The following CELF2 variants were observed in gnomAD, a reference collection of about 807,000 sequenced individuals.
CELF2 encodes the protein CUGBP Elav-like family member 2.
In CELF2, 8 loss-of-function variants were observed where a neutral mutation model predicts 62.6. The observed-to-expected ratio is 0.13, with a 90% CI of 0.07 to 0.23. CELF2 has a LOEUF of 0.23. Among genes scored for constraint, CELF2 ranks in the 10% least tolerant of loss-of-function variants. CELF2 has a pLI of 1.00. For missense variants in CELF2, 333 were observed against 671.0 expected (o/e 0.50, Z 5.56); for synonymous variants, 258 against 250.0 (o/e 1.03, Z -0.30).
chr10:10,574,997 C>T, the CELF2 span, among the ~76,000 whole-genome samples: 11 of 151,534 alleles, frequency 7.3e-5, no homozygotes, highest in African/African-American at 2.2e-4. Context: ...GCATTACAGG[C>T]GTGAGCCACC....
chr10:10,959,868 G>A lies in CELF2; in HGVS notation c.89+39869G>A, dbSNP rs543506631. On this transcript the variant is annotated intron_variant, in intron 2 of 13. Transcript: ENST00000636488. ...AGAAAGCATGGGGTAGGTGTGAACC[G>A]TTACAACATTGAATTATCGTTTTCC... 1.3e-4 allele frequency among the ~76,000 whole-genome samples: 20 copies of A among 152,318 alleles called. 1 individual carries two copies. The South Asian group carries it at 3.1e-3, about 24-fold the overall frequency.
the CELF2 span, among the ~76,000 whole-genome samples, chr10:10,493,526 T>A: frequency 1.1e-5 from 1 of 90,074 alleles, no homozygotes; most frequent in Non-Finnish European, 2.8e-5. Context: ...GGGCGTTTTT[T>A]TTTTGTTTGT....
intron 9 of CELF2, among the ~76,000 whole-genome samples, chr10:11,289,214 A>T (rs1300312931): frequency 3.9e-5 from 6 of 152,044 alleles, no homozygotes; most frequent in Non-Finnish European, 7.4e-5. Flanking sequence ...CGAACGTTTC[A>T]CTGGCTTTCC....
At chr10:11,088,963 C>T (rs1253908629) in intron 1 of CELF2, among the ~76,000 whole-genome samples, 10 of 152,186 alleles carry the variant, frequency 6.6e-5, no homozygotes, top group Admixed American at 4.6e-4. Flanking sequence ...CTCTCCCGTG[C>T]GTTGGGCTGC....
intron 1 of CELF2, among the ~76,000 whole-genome samples, chr10:10,864,304 C>T (rs1368738017): frequency 6.6e-6 from 1 of 152,026 alleles, no homozygotes; most frequent in Non-Finnish European, 1.5e-5. Flanking sequence ...TTCTCCAGTG[C>T]ATTCCATTAG....
At chr10:11,281,176 A>G (rs111797723) in intron 8 of CELF2, among the ~76,000 whole-genome samples, 61 of 152,218 alleles carry the variant, frequency 4.0e-4, no homozygotes, top group African/African-American at 1.4e-3. Flanking sequence ...CAGATTGTCA[A>G]AAGAGGTCAG....
the CELF2 span, among the ~76,000 whole-genome samples, chr10:10,568,183 C>A: frequency 6.6e-6 from 1 of 151,872 alleles, no homozygotes; most frequent in Non-Finnish European, 1.5e-5. Context: ...AGAATGAGAG[C>A]AAACAATCCA....
At chr10:10,758,309 A>C in the CELF2 span, among the ~76,000 whole-genome samples, 3 of 152,168 alleles carry the variant, frequency 2.0e-5, no homozygotes, top group South Asian at 6.2e-4. Context: ...TTAAACTTCA[A>C]TGCACCTTGG....
chr10:10,983,184 T>C lies in CELF2; in HGVS notation c.89+63185T>C, dbSNP rs1371460591. 6.6e-6 allele frequency among the ~76,000 whole-genome samples: 1 copy of C among 152,210 alleles called. No individual in the cohort carries two copies. The highest frequency in any genetic ancestry group is 1.5e-5 in the Non-Finnish European group (1 of 68,024). ...AGGCAAGTTCAGACACATAGGTTTA[T>C]ACAAGATGAAAATATTAGATAAAAA... is the stretch of plus-strand genomic sequence containing the variant. On this transcript the variant is annotated intron_variant, in intron 2 of 13. Coordinates refer to the CELF2 transcript ENST00000636488. The surrounding 1 kb of genome is among the most constrained non-coding windows in gnomAD (Gnocchi z 5.2).
rs1026236147 is a variant in CELF2 at position 11,156,976 on chromosome 10, G to T, written c.75-8510G>T. Among the ~76,000 whole-genome samples the T allele has an allele frequency of 6.6e-6, 1 of 152,164 alleles. No homozygotes were observed. The highest frequency in any genetic ancestry group is 6.5e-5 in the Admixed American group (1 of 15,282). On this transcript the variant is annotated intron_variant, in intron 1 of 12. Transcript: ENST00000633077. The surrounding 1 kb of genome is among the most constrained non-coding windows in gnomAD (Gnocchi z 4.3). The stretch of plus-strand genomic sequence containing the variant: ...TGCCAGAGTGTGCTGTGGGATTAGA[G>T]TTTAATGGTCAAAATGAGGGCAGTT...
At chr10:10,485,243 G>A in the CELF2 span, among the ~76,000 whole-genome samples, 1 of 152,204 alleles carries the variant, frequency 6.6e-6, no homozygotes, top group South Asian at 2.1e-4. Flanking sequence ...AGGCAGTGAT[G>A]AGTAATGCCA....
chr10:10,815,904 G>T (rs371603648), intron 1 of CELF2, among the ~76,000 whole-genome samples: 122 of 132,542 alleles, frequency 9.2e-4, no homozygotes, highest in East Asian at 2.8e-3. Context: ...GGTTTGGGTT[G>T]TTTTTTTTTT....
chr10:10,654,011 C>T, the CELF2 span, among the ~76,000 whole-genome samples: 1 of 151,296 alleles, frequency 6.6e-6, no homozygotes, highest in Non-Finnish European at 1.5e-5. Context: ...ATCAAATACA[C>T]ACAATAAAAA....
the CELF2 span, among the ~76,000 whole-genome samples, chr10:10,775,342 A>T: frequency 6.6e-6 from 1 of 152,062 alleles, no homozygotes; most frequent in South Asian, 2.1e-4. Flanking sequence ...AGAAAGCAGG[A>T]GATGGAGGCC....
chr10:11,151,838 TTTC>T (rs1434041254), intron 1 of CELF2, among the ~76,000 whole-genome samples: 4 of 152,202 alleles, frequency 2.6e-5, no homozygotes, highest in African/African-American at 9.6e-5. Flanking sequence ...GTTTAAACCA[TTTC>T]TTCTTTTCCC....
chr10:10,821,872 C>A (rs1221583180), intron 1 of CELF2, among the ~76,000 whole-genome samples: 1 of 152,190 alleles, frequency 6.6e-6, no homozygotes, highest in Non-Finnish European at 1.5e-5. Context: ...AATTCCTGGG[C>A]TCAAGCAATC....
intron 1 of CELF2, among the ~76,000 whole-genome samples, chr10:11,162,660 G>A (rs2065991859): frequency 6.6e-6 from 1 of 152,160 alleles, no homozygotes; most frequent in South Asian, 2.1e-4. Context: ...CTATATAAGT[G>A]ATGACCAAAA....
At chr10:10,495,185 G>T in the CELF2 span, among the ~76,000 whole-genome samples, 221 of 152,314 alleles carry the variant, frequency 1.5e-3, no homozygotes, top group African/African-American at 5.0e-3. Context: ...GGAGGCTGAG[G>T]CAGGAGAATG....
At chr10:10,511,261 A>G in the CELF2 span, among the ~76,000 whole-genome samples, 1 of 152,088 alleles carries the variant, frequency 6.6e-6, no homozygotes, top group Admixed American at 6.5e-5. Context: ...AAATACAAAA[A>G]TTAGCTGGGC....
Sources: allele counts gnomAD v4.1 joint callset (sites outside exome capture counted in the v4.1 genomes callset), GRCh38; gene constraint gnomAD v4.1.1; non-coding constraint Gnocchi (gnomAD v3.1); transcripts MANE v1.5; gene names NCBI Gene and HGNC (gene_info 2026-07-23, HGNC 2026-07-21).